Variants in ITGAE observed in about 807,000 individuals in gnomAD.
ITGAE encodes integrin alpha-E.
A neutral mutation model predicts 136.5 loss-of-function variants in ITGAE; 99 were observed. That is an observed-to-expected ratio of 0.73 (90% CI 0.62 to 0.86). The LOEUF (loss-of-function observed/expected upper bound fraction) is 0.86. Among genes scored for constraint, ITGAE ranks in the 40% least tolerant of loss-of-function variants. The pLI, the probability that ITGAE is intolerant of heterozygous loss-of-function variation, is 0.00. For missense variants in ITGAE, 1,447 were observed against 1,515.3 expected (o/e 0.95, Z 0.75); for synonymous variants, 613 against 591.8 (o/e 1.04, Z -0.52).
At chr17:3,797,279 C>CCT (rs2053138255) in intron 1 of ITGAE, among the ~76,000 whole-genome samples, 1 of 149,552 alleles carries the variant, frequency 6.7e-6, no homozygotes, top group Admixed American at 6.7e-5. Flanking sequence ...CATTCTCCTG[C>CCT]CTCAGCCTCC....
intron 19 of ITGAE, among the ~76,000 whole-genome samples, chr17:3,740,923 T>C (rs927141534): frequency 1.3e-5 from 2 of 152,210 alleles, no homozygotes; most frequent in Non-Finnish European, 2.9e-5. Context: ...TCTGCAGGTC[T>C]GTTCCCACGG....
intron 1 of ITGAE, among the ~76,000 whole-genome samples, chr17:3,795,024 CCT>C (rs985800900): frequency 7.9e-5 from 12 of 152,192 alleles, no homozygotes; most frequent in African/African-American, 2.2e-4. Flanking sequence ...GCACTCTCCA[CCT>C]CTGTCTGCAA....
intron 1 of ITGAE, among the ~76,000 whole-genome samples, chr17:3,800,846 T>C (rs1006225009): frequency 6.6e-6 from 1 of 152,004 alleles, no homozygotes; most frequent in Admixed American, 6.5e-5. Context: ...GGAGGCTGGC[T>C]GGAGGAGGAA....
chr17:3,729,756 A>G (rs1157179558), intron 23 of ITGAE: 1 of 483,930 alleles, frequency 2.1e-6, no homozygotes, highest in Admixed American at 3.1e-5. Flanking sequence ...CACCATACCC[A>G]GTTAATTTTT....
Position 3,723,275 on chromosome 17 carries a change from C to A in ITGAE, c.3237+13G>T. ...CTGGATAATCAAATCTGGAGCATTT[C>A]AGTCTCAAACACCTCCTCAGAGTGA... On this transcript the variant is annotated intron_variant, in intron 28 of 30. Transcript: ENST00000263087. 6.4e-7 allele frequency: 1 copy of A among 1,560,860 alleles called. No homozygotes were observed. The highest frequency in any genetic ancestry group is 8.8e-7 in the Non-Finnish European group (1 of 1,131,578).
At chr17:3,773,485 A>C (rs1196849048) in intron 2 of ITGAE, among the ~76,000 whole-genome samples, 1 of 151,908 alleles carries the variant, frequency 6.6e-6, no homozygotes, top group African/African-American at 2.4e-5. Context: ...CTCTGCCTCA[A>C]AAAGAAAAAA....
At chr17:3,726,979 C>T (rs183650617) in intron 26 of ITGAE, among the ~76,000 whole-genome samples, 10 of 152,184 alleles carry the variant, frequency 6.6e-5, no homozygotes, top group African/African-American at 2.4e-4. Context: ...CCACCCACCT[C>T]GGCATCCCAA....
intron 16 of ITGAE, among the ~76,000 whole-genome samples, chr17:3,749,382 C>A (rs1381650567): frequency 7.9e-5 from 12 of 152,018 alleles, no homozygotes; most frequent in South Asian, 4.1e-4. Flanking sequence ...CCTCCCGAGT[C>A]GCTGGGACTA....
rs145223488 is a variant in ITGAE at position 3,748,607 on chromosome 17, G to A, written c.2025-555C>T. On this transcript the variant is annotated intron_variant, in intron 16 of 30. Coordinates refer to ENST00000263087, the MANE Select transcript of ITGAE (RefSeq NM_002208.5). Reference sequence around the variant, plus strand: ...ATCTCAACAACAACAACAAAAATACGGTAATAAGGACCGAGGGCTACTGAG... The same window carrying A: ...ATCTCAACAACAACAACAAAAATACAGTAATAAGGACCGAGGGCTACTGAG... Among the ~76,000 whole-genome samples the A allele has an allele frequency of 4.6e-5, 7 of 152,162 alleles. No individual in the cohort carries two copies. The East Asian group carries it at 9.7e-4, about 21-fold the overall frequency.
At chr17:3,739,978 C>G in intron 19 of ITGAE, 100 bp from the exon 20 acceptor site, 1 of 889,532 alleles carries the variant, frequency 1.1e-6, no homozygotes, top group East Asian at 2.5e-5. Context: ...GCTGTGCCTC[C>G]TGCTCACCCT....
rs2052007525 is a variant in ITGAE, at chr17:3,755,866, C to T, written c.1203G>A (p.Leu401=). ...TCTGAGCACTGAAGCCAATCTGTGCCAGCTGGTAGTGAAGGGCGTCTCCAA... is the reference window on the plus strand; with the variant it reads ...TCTGAGCACTGAAGCCAATCTGTGCTAGCTGGTAGTGAAGGGCGTCTCCAA... ...GTVGDALHYQ[L]AQIGFSAQIL... The change falls in exon 11 of 31, where the codon CTG becomes CTA. Residue 401 remains leucine, a synonymous_variant. Transcript: ENST00000263087. 6.2e-7 allele frequency: 1 copy of T among 1,600,786 alleles called. No individual in the cohort carries two copies. Among genetic ancestry groups the T allele is most frequent in the African/African-American group, 1.3e-5 (1 of 74,864 alleles).
At position 3,746,877 on chromosome 17, in the gene ITGAE, T is replaced by C. The variant is rs186119968; in HGVS notation, c.2156-950A>G. On this transcript the variant is annotated intron_variant, in intron 17 of 30. Transcript: ENST00000263087. ...AAGTGCTGGGATTACAGGCGTGAGC[T>C]ACCACACCCGGCCAGGTCTGTCATT... Among the ~76,000 whole-genome samples the C allele has an allele frequency of 2.7e-3, 413 of 152,186 alleles. 3 individuals carry two copies. The highest frequency in any genetic ancestry group is 0.017 in the Middle Eastern group (5 of 294).
At chr17:3,727,786 C>T (rs891534711) in intron 26 of ITGAE, 133 bp downstream of exon 26, 16 of 660,100 alleles carry the variant, frequency 2.4e-5, no homozygotes, top group Non-Finnish European at 1.9e-5. Context: ...AACAGGACTT[C>T]GGGAATTTAC....
In ITGAE at chr17:3,798,248, G is replaced by A. The variant is rs147799527; in HGVS notation, c.34+2863C>T. 1.4e-4 allele frequency among the ~76,000 whole-genome samples: 22 copies of A among 152,274 alleles called. No homozygotes were observed. Among genetic ancestry groups the A allele is most frequent in the South Asian group, 1.0e-3 (5 of 4,826 alleles). The stretch of plus-strand genomic sequence containing the variant: ...CGTGCTGTGACACCCTGCCGGGGCC[G>A]GGGAGGCTACTGTGTGCACAACCTG... On this transcript the variant is annotated intron_variant, in intron 1 of 30. Transcript: ENST00000263087. The surrounding 1 kb of genome is among the most constrained non-coding windows in gnomAD (Gnocchi z 4.3).
In ITGAE at chr17:3,739,836, C is replaced by T. The variant is rs369593910; in HGVS notation, c.2491G>A (p.Ala831Thr). The T allele has an allele frequency of 2.2e-5, 35 of 1,614,018 alleles. No homozygotes were observed. Among genetic ancestry groups the T allele is most frequent in the East Asian group, 4.5e-5 (2 of 44,902 alleles). ...KACKNKLFCV[A>T]ELQLATTVSQ... is the part of the protein sequence containing the mutation. ...ACGGTGGTGGCCAACTGTAATTCTGCGACACAAAACAGCTTATTCTTGCAG... is the reference window on the plus strand; with the variant it reads ...ACGGTGGTGGCCAACTGTAATTCTGTGACACAAAACAGCTTATTCTTGCAG... The change falls in exon 20 of 31, where the codon GCA (alanine) becomes ACA (threonine). Residue 831 changes from alanine (A) to threonine (T), a missense_variant. Transcript: ENST00000263087.
At chr17:3,792,587 A>C (rs974804204) in intron 1 of ITGAE, among the ~76,000 whole-genome samples, 55 of 152,366 alleles carry the variant, frequency 3.6e-4, no homozygotes, top group African/African-American at 1.2e-3. Context: ...GGGATACAAC[A>C]AGCCAGGAAG....
At chr17:3,725,217 A>G (rs757044195) in intron 26 of ITGAE, 11 of 1,614,102 alleles carry the variant, frequency 6.8e-6, no homozygotes, top group Non-Finnish European at 9.3e-6. Context: ...TGTCATGAAC[A>G]GAACAAGTGG....
At position 3,750,312 on chromosome 17, in the gene ITGAE, G is replaced by T. The variant is rs751974595; in HGVS notation, c.2024+40C>A. 4 of 1,610,602 alleles carry T rather than the reference G, an allele frequency of 2.5e-6. No homozygotes were observed. The Admixed American group carries it at 6.7e-5, about 27-fold the overall frequency. ...TATTTAGAGCAGGGCAAATGGGTGA[G>T]GCTGGGCCTGGGACCCCAGAAAGCA... On this transcript the variant is annotated intron_variant, in intron 16 of 30. Transcript: ENST00000263087.
At chr17:3,723,594 G>T in intron 27 of ITGAE, 94 bp downstream of exon 27, 1 of 1,329,896 alleles carries the variant, frequency 7.5e-7, no homozygotes, top group Non-Finnish European at 1.0e-6. Flanking sequence ...GCACTGGCCG[G>T]CAGGGGTAAC....
Sources: allele counts gnomAD v4.1 joint callset (sites outside exome capture counted in the v4.1 genomes callset), GRCh38; gene constraint gnomAD v4.1.1; non-coding constraint Gnocchi (gnomAD v3.1); transcripts MANE v1.5; gene names NCBI Gene and HGNC (gene_info 2026-07-23, HGNC 2026-07-21).